The following PRKN variants were observed in gnomAD, a reference collection of about 807,000 sequenced individuals.
The protein encoded by PRKN is E3 ubiquitin-protein ligase parkin.
A neutral mutation model predicts 59.5 loss-of-function variants in PRKN; 56 were observed. That is an observed-to-expected ratio of 0.94 (90% CI 0.76 to 1.18). The LOEUF (loss-of-function observed/expected upper bound fraction) is 1.18, where lower values mean the gene tolerates loss of function less well. PRKN is among the 50% of genes most tolerant of loss of function. The pLI is 0.00. For synonymous variants in PRKN, 250 were observed against 222.1 expected, an observed-to-expected ratio of 1.13 and a Z score of -1.12; for missense variants, 657 against 596.4, an observed-to-expected ratio of 1.10 and a Z score of -1.06.
chr6:162,186,420 AG>A (rs1784034358), intron 4 of PRKN, among the ~76,000 whole-genome samples: 1 of 151,592 alleles, frequency 6.6e-6, no homozygotes, highest in African/African-American at 2.4e-5. Flanking sequence ...TCATATTTAT[AG>A]ATTGGTTTGT....
chr6:162,320,362 CA>C (rs55793911), intron 2 of PRKN, among the ~76,000 whole-genome samples: 79 of 7,294 alleles, frequency 0.011, 1 homozygote, highest in African/African-American at 0.037. Flanking sequence ...TACAAAAAGC[CA>C]AAAAAAAAAA....
At chr6:162,247,371 T>C (rs762251093) in intron 3 of PRKN, among the ~76,000 whole-genome samples, 19 of 152,148 alleles carry the variant, frequency 1.2e-4, no homozygotes, top group Non-Finnish European at 2.8e-4. Flanking sequence ...TACCAGTATA[T>C]GAAATGACAC....
rs923008481 is a variant in PRKN at position 161,581,900 on chromosome 6, C to A, written c.872-12484G>T. Among the ~76,000 whole-genome samples the A allele has an allele frequency of 1.1e-4, 16 of 152,216 alleles. No individual in the cohort carries two copies. The highest frequency in any genetic ancestry group is 4.6e-4 in the Admixed American group (7 of 15,290). On this transcript the variant is annotated intron_variant, in intron 7 of 11. Coordinates refer to ENST00000366898, the MANE Select transcript of PRKN (RefSeq NM_004562.3). The surrounding 1 kb of genome is among the most constrained non-coding windows in gnomAD (Gnocchi z 4.5). The stretch of plus-strand genomic sequence containing the variant: ...TACTGCGCAGAGAGCTGAGGACACA[C>A]ATTAATGAAACAGTCCACTCTTCAC...
At chr6:162,206,141 T>C (rs1784928531) in intron 3 of PRKN, among the ~76,000 whole-genome samples, 1 of 152,102 alleles carries the variant, frequency 6.6e-6, no homozygotes, top group African/African-American at 2.4e-5. Context: ...TGTGCCCTTA[T>C]TTCCTACACC....
chr6:161,517,730 A>C (rs1778664547), intron 9 of PRKN, among the ~76,000 whole-genome samples: 1 of 111,518 alleles, frequency 9.0e-6, no homozygotes, highest in Non-Finnish European at 1.7e-5. Context: ...ACAGAGTGAG[A>C]CTCTATCTCA....
chr6:162,193,077 A>C (rs1784351472), intron 4 of PRKN, among the ~76,000 whole-genome samples: 1 of 152,210 alleles, frequency 6.6e-6, no homozygotes, highest in South Asian at 2.1e-4. Context: ...ATCTCTATTA[A>C]AGAAGCAATG....
At chr6:162,389,016 A>AAAAC (rs1554312374) in intron 2 of PRKN, among the ~76,000 whole-genome samples, 2 of 151,158 alleles carry the variant, frequency 1.3e-5, no homozygotes, top group African/African-American at 4.9e-5. Context: ...AGAAAAAAAA[A>AAAAC]AAAAAAAACA....
At chr6:162,315,518 T>A (rs1782719706) in intron 2 of PRKN, among the ~76,000 whole-genome samples, 1 of 152,304 alleles carries the variant, frequency 6.6e-6, no homozygotes, top group East Asian at 1.9e-4. Context: ...TTGTTGTTCA[T>A]CTGCAATTCA....
In PRKN at chr6:161,352,771, A is replaced by ATATATATATTTTT. The variant is rs34279714; in HGVS notation, c.1286-2561_1286-2560insAAAAATATATATA. ...TGTGTGTGTGTATATATATATATAT[A>ATATATATATTTTT]TTTTATTTTATTTTATTTTATTTTT... On this transcript the variant is annotated intron_variant, in intron 11 of 11. Coordinates refer to ENST00000366898, the MANE Select transcript of PRKN (RefSeq NM_004562.3). This position sits in a 1 kb window ranked among gnomAD's most constrained non-coding sequence, Gnocchi z 5.8. 2.6e-5 allele frequency among the ~76,000 whole-genome samples: 3 copies of ATATATATATTTTT among 116,900 alleles called. No homozygotes were observed. The highest frequency in any genetic ancestry group is 2.5e-4 in the South Asian group (1 of 4,004). The allele number at this position is 116,900 out of a possible 152,430, so 76.7% of individuals were successfully genotyped here. A position where few individuals can be genotyped will look rare whatever the true frequency, so the allele number is the denominator to read the frequency against.
At chr6:162,028,893 C>T (rs1783537124) in intron 5 of PRKN, among the ~76,000 whole-genome samples, 1 of 152,166 alleles carries the variant, frequency 6.6e-6, no homozygotes, top group African/African-American at 2.4e-5. Flanking sequence ...CATGTGGAAA[C>T]CAAAGAGAAG....
chr6:161,516,997 T>C (rs949162502), intron 9 of PRKN, among the ~76,000 whole-genome samples: 2 of 152,148 alleles, frequency 1.3e-5, no homozygotes, highest in African/African-American at 4.8e-5. Flanking sequence ...TAATGATTAA[T>C]TTCTTCCAGT....
chr6:162,419,493 C>T (rs1328074365), intron 2 of PRKN, among the ~76,000 whole-genome samples: 1 of 152,010 alleles, frequency 6.6e-6, no homozygotes, highest in African/African-American at 2.4e-5. Flanking sequence ...ATTCTCATTG[C>T]TCAGATGAAG....
rs1784648599 is a variant in PRKN at position 161,353,701 on chromosome 6, A to T, written c.1286-3490T>A. Reference sequence around the variant, plus strand: ...GTGAGCCACTGTAGCAAATAACAGAACCCAAAGAGGGAGTCATGGGAATCT... The same window carrying T: ...GTGAGCCACTGTAGCAAATAACAGATCCCAAAGAGGGAGTCATGGGAATCT... On this transcript the variant is annotated intron_variant, in intron 11 of 11. Transcript: ENST00000366898. This position sits in a 1 kb window ranked among gnomAD's most constrained non-coding sequence, Gnocchi z 4.8. Among the ~76,000 whole-genome samples the T allele has an allele frequency of 6.6e-6, 1 of 152,168 alleles. No homozygotes were observed. The highest frequency in any genetic ancestry group is 2.1e-4 in the South Asian group (1 of 4,824).
intron 1 of PRKN, among the ~76,000 whole-genome samples, chr6:162,649,047 C>T (rs9458632): frequency 0.1 from 15,339 of 152,016 alleles, 1,137 homozygotes; most frequent in East Asian, 0.3. Flanking sequence ...GCCAGCCTGC[C>T]GCACAAATTT....
chr6:162,712,597 G>A (rs1233013396), intron 1 of PRKN, among the ~76,000 whole-genome samples: 2 of 152,094 alleles, frequency 1.3e-5, no homozygotes, highest in Non-Finnish European at 2.9e-5. Flanking sequence ...CATATCTTTT[G>A]CCAGTCTCCA....
At chr6:162,623,787 C>A (rs1349662695) in intron 1 of PRKN, among the ~76,000 whole-genome samples, 3 of 151,790 alleles carry the variant, frequency 2.0e-5, no homozygotes, top group Non-Finnish European at 2.9e-5. Context: ...GGTAGAATAA[C>A]CTAATTATCA....
At chr6:161,680,135 A>G (rs9295159) in intron 7 of PRKN, among the ~76,000 whole-genome samples, 120,551 of 152,028 alleles carry the variant, frequency 0.79, 47,979 homozygotes, top group East Asian at 0.89. Flanking sequence ...TCATTGTGCT[A>G]TTCTAAATAA....
intron 1 of PRKN, among the ~76,000 whole-genome samples, chr6:162,524,331 T>A (rs1778197152): frequency 6.6e-6 from 1 of 152,182 alleles, no homozygotes; most frequent in Non-Finnish European, 1.5e-5. Flanking sequence ...AACGTCTCTG[T>A]GTTGAAAGAG....
At chr6:161,669,790 T>C (rs1784845823) in intron 7 of PRKN, among the ~76,000 whole-genome samples, 1 of 152,234 alleles carries the variant, frequency 6.6e-6, no homozygotes, top group Non-Finnish European at 1.5e-5. Context: ...CCTCCATCTA[T>C]TAACTCATAT....
Sources: allele counts gnomAD v4.1 joint callset (sites outside exome capture counted in the v4.1 genomes callset), GRCh38; gene constraint gnomAD v4.1.1; non-coding constraint Gnocchi (gnomAD v3.1); transcripts MANE v1.5; gene names NCBI Gene and HGNC (gene_info 2026-07-23, HGNC 2026-07-21).